Variants in SDK2 observed in about 807,000 individuals in gnomAD.
SDK2 encodes sidekick cell adhesion molecule 2.
Under a neutral mutation model 253.9 loss-of-function variants are expected in SDK2, and 105 were observed. The observed-to-expected ratio is 0.41, with a 90% CI of 0.35 to 0.49. The LOEUF is 0.49. SDK2 is among the 20% of genes least tolerant of loss of function. The probability of loss-of-function intolerance (pLI) is 0.06; values close to 1 mark genes in which losing one functional copy is unlikely to be tolerated. For synonymous variants in SDK2, 1,249 were observed against 1,234.9 expected, an observed-to-expected ratio of 1.01 and a Z score of -0.24; for missense variants, 2,608 against 3,003.0, an observed-to-expected ratio of 0.87 and a Z score of 3.07.
At chr17:73,346,723 A>G (rs897551309) in intron 44 of SDK2, among the ~76,000 whole-genome samples, 2 of 152,182 alleles carry the variant, frequency 1.3e-5, no homozygotes, top group Non-Finnish European at 2.9e-5. Flanking sequence ...ATTTCTGCCA[A>G]TTTTGGAGAG....
rs149505853 is a variant in SDK2 at position 73,375,034 on chromosome 17, G to A, written c.4980+4143C>T. On this transcript the variant is annotated intron_variant, in intron 36 of 44. Transcript: ENST00000392650. Reference sequence around the variant, plus strand: ...GAAGGACCCCAGGTGCTCCAGCCCCGGCTTTCCCATCTCCCATTGCGCTCC... The same window carrying A: ...GAAGGACCCCAGGTGCTCCAGCCCCAGCTTTCCCATCTCCCATTGCGCTCC... 1.9e-4 allele frequency among the ~76,000 whole-genome samples: 29 copies of A among 152,056 alleles called. No homozygotes were observed. In the East Asian group the frequency reaches 5.0e-3, roughly 26 times the overall value.
At chr17:73,343,197 C>T (rs1406548238) in intron 44 of SDK2, among the ~76,000 whole-genome samples, 1 of 152,238 alleles carries the variant, frequency 6.6e-6, no homozygotes, top group Non-Finnish European at 1.5e-5. Flanking sequence ...GCCTACTGAT[C>T]CCAGGCACTC....
chr17:73,524,343 GC>G (rs1038351448), intron 1 of SDK2, among the ~76,000 whole-genome samples: 8 of 152,170 alleles, frequency 5.3e-5, no homozygotes, highest in African/African-American at 1.9e-4. Context: ...GACCAACATG[GC>G]CCCCGCCCGC....
chr17:73,438,011 C>T lies in SDK2; in HGVS notation c.869G>A (p.Ser290Asn), dbSNP rs1171544485. 1 of 1,551,396 alleles carries T rather than the reference C, an allele frequency of 6.4e-7. No homozygotes were observed. Among genetic ancestry groups the T allele is most frequent in the South Asian group, 1.2e-5 (1 of 84,094 alleles). The change falls in exon 7 of 45, where the codon AGC becomes AAC. Residue 290 changes from serine to asparagine, a missense_variant. Around this residue, in one of 2 missense-constraint regions of SDK2, gnomAD observed 1,505 missense variants for 1,859.1 expected, o/e 0.81. Coordinates refer to ENST00000392650, the MANE Select transcript of SDK2 (RefSeq NM_001144952.2). ...GYYECEAVLR[S>N]SSVPSVVRGA... ...CCGGACAACAGAGGGGACGCTGCTG[C>T]TGCGCAGGACAGCCTCACACTCGTA...
At chr17:73,341,491 C>CTGCA (rs1255955424) in intron 44 of SDK2, among the ~76,000 whole-genome samples, 1 of 152,186 alleles carries the variant, frequency 6.6e-6, no homozygotes, top group African/African-American at 2.4e-5. Flanking sequence ...GATCAGTGCA[C>CTGCA]TGCAGCTCAG....
chr17:73,552,058 C>A (rs184802456), intron 1 of SDK2, among the ~76,000 whole-genome samples: 3 of 152,128 alleles, frequency 2.0e-5, no homozygotes, highest in African/African-American at 7.2e-5. Context: ...CCGCTGCAGT[C>A]CCCACCGCCT....
intron 1 of SDK2, among the ~76,000 whole-genome samples, chr17:73,591,124 T>A (rs1284926365): frequency 6.6e-6 from 1 of 152,210 alleles, no homozygotes; most frequent in African/African-American, 2.4e-5. Flanking sequence ...TTCGCCATGT[T>A]GGCCAGGCTG....
intron 44 of SDK2, among the ~76,000 whole-genome samples, chr17:73,342,427 C>CTGA (rs2062446478): frequency 6.6e-6 from 1 of 152,328 alleles, no homozygotes; most frequent in Non-Finnish European, 1.5e-5. Flanking sequence ...GCGGGGGCAC[C>CTGA]TGATGCTGGG....
chr17:73,457,788 C>A (rs1442316836), intron 3 of SDK2, among the ~76,000 whole-genome samples: 1 of 152,140 alleles, frequency 6.6e-6, no homozygotes, highest in African/African-American at 2.4e-5. Context: ...AAGGGGGCCG[C>A]ATCCTAAGCT....
chr17:73,588,623 A>AT (rs1567858895), intron 1 of SDK2, among the ~76,000 whole-genome samples: 2 of 151,686 alleles, frequency 1.3e-5, no homozygotes, highest in Non-Finnish European at 2.9e-5. Context: ...GGTCGTCACA[A>AT]CTGGCATCTA....
At chr17:73,525,175 G>A (rs2064115506) in intron 1 of SDK2, among the ~76,000 whole-genome samples, 1 of 152,194 alleles carries the variant, frequency 6.6e-6, no homozygotes, top group Non-Finnish European at 1.5e-5. Context: ...GGAGAACCAT[G>A]GGTCTTGTCC....
At chr17:73,565,059 G>A (rs1025393924) in intron 1 of SDK2, among the ~76,000 whole-genome samples, 1 of 152,194 alleles carries the variant, frequency 6.6e-6, no homozygotes, top group African/African-American at 2.4e-5. Context: ...ATGGGTATTT[G>A]TTTGAGGTCA....
At chr17:73,554,226 C>A (rs924833665) in intron 1 of SDK2, among the ~76,000 whole-genome samples, 1 of 152,216 alleles carries the variant, frequency 6.6e-6, no homozygotes, top group African/African-American at 2.4e-5. Flanking sequence ...CACACAGGGG[C>A]AGCTCATCAA....
chr17:73,573,992 C>A (rs2045423016), intron 1 of SDK2, among the ~76,000 whole-genome samples: 1 of 152,230 alleles, frequency 6.6e-6, no homozygotes, highest in Non-Finnish European at 1.5e-5. Flanking sequence ...CAGTGCCACT[C>A]CCCAGACCTG....
intron 1 of SDK2, among the ~76,000 whole-genome samples, chr17:73,577,864 A>G (rs1196252575): frequency 6.6e-6 from 1 of 152,186 alleles, no homozygotes; most frequent in Admixed American, 6.5e-5. Context: ...AAGGTTGCTA[A>G]TCAGATGATT....
intron 1 of SDK2, among the ~76,000 whole-genome samples, chr17:73,531,470 C>T (rs946029509): frequency 3.9e-5 from 6 of 152,078 alleles, no homozygotes; most frequent in African/African-American, 9.7e-5. Context: ...CATAACACGG[C>T]GTCTGGTCCA....
intron 1 of SDK2, among the ~76,000 whole-genome samples, chr17:73,549,141 C>T (rs1018903413): frequency 3.9e-5 from 6 of 152,236 alleles, no homozygotes; most frequent in Admixed American, 2.0e-4. Context: ...GAAGGAAAAA[C>T]GTAGCAAGCA....
Position 73,379,424 on chromosome 17 carries a change from C to T in SDK2, c.4864+24G>A. On this transcript the variant is annotated intron_variant, in intron 35 of 44. Transcript: ENST00000392650. This position sits in a 1 kb window ranked among gnomAD's most constrained non-coding sequence, Gnocchi z 4.5. Reference sequence around the variant, plus strand: ...TGGGGCTGGGAAAGGCATGCTGGGGCCGGACAGGGCGGGCGCTGCTCACCT... The same window carrying T: ...TGGGGCTGGGAAAGGCATGCTGGGGTCGGACAGGGCGGGCGCTGCTCACCT... 1.3e-6 allele frequency: 2 copies of T among 1,568,156 alleles called. No individual in the cohort carries two copies. The highest frequency in any genetic ancestry group is 1.7e-6 in the Non-Finnish European group (2 of 1,148,092).
intron 3 of SDK2, among the ~76,000 whole-genome samples, chr17:73,461,916 T>C (rs1019891779): frequency 2.6e-4 from 39 of 151,670 alleles, no homozygotes; most frequent in African/African-American, 9.5e-4. Context: ...TACATGTCTG[T>C]ATGGTGGAAT....
Sources: gnomAD v4.1 joint callset for allele counts (sites outside exome capture counted in the v4.1 genomes callset) on GRCh38, gnomAD v4.1.1 for gene constraint, gnomAD v4.1.1 regional missense constraint, Gnocchi (gnomAD v3.1) non-coding constraint, MANE v1.5 for transcripts, NCBI Gene and HGNC (gene_info 2026-07-23, HGNC 2026-07-21) for gene names.